Variants in KCNQ5 observed in about 807,000 individuals in gnomAD.
KCNQ5 encodes potassium voltage-gated channel subfamily Q member 5.
In KCNQ5, 30 loss-of-function variants were observed where a neutral mutation model predicts 98.2. The observed-to-expected ratio is 0.31, with a 90% CI of 0.23 to 0.41. The LOEUF (loss-of-function observed/expected upper bound fraction) is 0.41, where lower values mean the gene tolerates loss of function less well. Among genes scored for constraint, KCNQ5 ranks in the 10% least tolerant of loss-of-function variants. The probability of loss-of-function intolerance (pLI) is 1.00; values close to 1 mark genes in which losing one functional copy is unlikely to be tolerated. For synonymous variants in KCNQ5, 458 were observed against 449.4 expected (o/e 1.02, Z -0.24); for missense variants, 835 against 1,182.5 (o/e 0.71, Z 4.31).
At chr6:72,821,274 A>T (rs1007948997) in intron 1 of KCNQ5, among the ~76,000 whole-genome samples, 1 of 152,186 alleles carries the variant, frequency 6.6e-6, no homozygotes, top group Non-Finnish European at 1.5e-5. Context: ...TGAAATTCCT[A>T]TTTCATACAC....
intron 1 of KCNQ5, among the ~76,000 whole-genome samples, chr6:72,831,647 G>A (rs960540900): frequency 6.6e-6 from 1 of 151,652 alleles, no homozygotes; most frequent in Non-Finnish European, 1.5e-5. Context: ...GTTAGTGGGT[G>A]CAGCACACCA....
chr6:72,739,279 T>C (rs867917117), intron 1 of KCNQ5, among the ~76,000 whole-genome samples: 1 of 152,212 alleles, frequency 6.6e-6, no homozygotes, highest in Non-Finnish European at 1.5e-5. Flanking sequence ...AAAAAGGATA[T>C]AATTGTGGGG....
chr6:72,839,635 G>C (rs575448697), intron 1 of KCNQ5, among the ~76,000 whole-genome samples: 30 of 152,254 alleles, frequency 2.0e-4, no homozygotes, highest in South Asian at 1.2e-3. Context: ...TCACCATTCA[G>C]AGTACTTTTG....
intron 10 of KCNQ5, among the ~76,000 whole-genome samples, chr6:73,142,347 G>A (rs985485603): frequency 6.6e-6 from 1 of 152,130 alleles, no homozygotes; most frequent in Non-Finnish European, 1.5e-5. Flanking sequence ...TTAAATTGCA[G>A]ATTTCAACCA....
chr6:72,982,487 CTTTTTTTTTTTT>C (rs141947372), intron 1 of KCNQ5, among the ~76,000 whole-genome samples: 2 of 60,262 alleles, frequency 3.3e-5, no homozygotes, highest in African/African-American at 1.5e-4. Flanking sequence ...GCAACCCCTG[CTTTTTTTTTTTT>C]TTTTTTTTTT....
chr6:72,699,770 G>A (rs1013065326), intron 1 of KCNQ5, among the ~76,000 whole-genome samples: 4 of 152,122 alleles, frequency 2.6e-5, no homozygotes, highest in African/African-American at 9.7e-5. Context: ...TGGTTAATTT[G>A]AAAATGTAGC....
chr6:73,010,269 T>C (rs1489910849), intron 2 of KCNQ5, among the ~76,000 whole-genome samples: 1 of 152,124 alleles, frequency 6.6e-6, no homozygotes, highest in East Asian at 1.9e-4. Flanking sequence ...ATTATCTCAA[T>C]TGAAGCCAGA....
chr6:73,106,864 C>T (rs1198209461), intron 6 of KCNQ5, among the ~76,000 whole-genome samples: 1 of 152,074 alleles, frequency 6.6e-6, no homozygotes, highest in Admixed American at 6.5e-5. Context: ...TAATGTAAGT[C>T]AAGTGCTTGT....
Position 73,157,718 on chromosome 6 carries a change from T to C in KCNQ5, c.1469-12028T>C. 5.1e-6 allele frequency: 4 copies of C among 777,012 alleles called. No homozygotes were observed. In the South Asian group the frequency reaches 5.4e-5, roughly 10 times the overall value. 48.1% of individuals were successfully genotyped at this position (777,012 alleles called of 1,614,324 possible). ...CATGCAGGCATCAGAGCAGCCCCCA[T>C]CAGGTCATAGGGGTCCCGAGCGATG... On this transcript the variant is annotated intron_variant, in intron 10 of 13. Transcript: ENST00000370398.
At chr6:73,161,087 G>A (rs1777601131) in intron 10 of KCNQ5, among the ~76,000 whole-genome samples, 1 of 152,126 alleles carries the variant, frequency 6.6e-6, no homozygotes, top group Admixed American at 6.5e-5. Context: ...AATGAATAAA[G>A]AAAATGTGGT....
chr6:72,924,085 G>A (rs1053078804), intron 1 of KCNQ5, among the ~76,000 whole-genome samples: 1 of 152,062 alleles, frequency 6.6e-6, no homozygotes, highest in Non-Finnish European at 1.5e-5. Flanking sequence ...GATTTTTATA[G>A]TATTGTTCAT....
intron 1 of KCNQ5, among the ~76,000 whole-genome samples, chr6:72,871,658 A>C (rs977488441): frequency 2.6e-5 from 4 of 152,176 alleles, no homozygotes; most frequent in Admixed American, 2.0e-4. Context: ...CCTAAATGTA[A>C]ACTAAAAGCC....
chr6:72,815,539 G>A (rs368409661), intron 1 of KCNQ5, among the ~76,000 whole-genome samples: 1 of 152,116 alleles, frequency 6.6e-6, no homozygotes, highest in African/African-American at 2.4e-5. Context: ...GAGAAATGAA[G>A]TTGAAGAGTA....
At chr6:73,052,004 CA>C (rs1772266203) in intron 3 of KCNQ5, among the ~76,000 whole-genome samples, 1 of 152,152 alleles carries the variant, frequency 6.6e-6, no homozygotes, top group Admixed American at 6.5e-5. Flanking sequence ...CAAAGTGATA[CA>C]GGAGATGAAA....
At chr6:72,858,570 C>T (rs1041971124) in intron 1 of KCNQ5, among the ~76,000 whole-genome samples, 3 of 151,540 alleles carry the variant, frequency 2.0e-5, no homozygotes, top group African/African-American at 7.3e-5. Context: ...CATTGTTGCT[C>T]TCCAACCCTC....
At chr6:72,924,465 G>C (rs889083684) in intron 1 of KCNQ5, among the ~76,000 whole-genome samples, 1 of 152,144 alleles carries the variant, frequency 6.6e-6, no homozygotes, top group Non-Finnish European at 1.5e-5. Context: ...CGCCTCTTAA[G>C]TGGGTCGCCA....
At chr6:72,878,652 C>T (rs1778518097) in intron 1 of KCNQ5, among the ~76,000 whole-genome samples, 1 of 152,146 alleles carries the variant, frequency 6.6e-6, no homozygotes, top group Non-Finnish European at 1.5e-5. Flanking sequence ...GTGACATTTT[C>T]CCAGCCTACT....
intron 1 of KCNQ5, among the ~76,000 whole-genome samples, chr6:72,861,828 A>T (rs944933756): frequency 6.0e-4 from 5 of 8,334 alleles, no homozygotes; most frequent in African/African-American, 2.1e-3. Flanking sequence ...AAAGTATAAT[A>T]AAAAAAAAAA....
At chr6:73,024,842 C>A (rs766643035) in intron 2 of KCNQ5, among the ~76,000 whole-genome samples, 7 of 152,222 alleles carry the variant, frequency 4.6e-5, no homozygotes, top group African/African-American at 7.2e-5. Flanking sequence ...TATAAATGTT[C>A]AGTGCATTCT....
Sources: allele counts gnomAD v4.1 joint callset (sites outside exome capture counted in the v4.1 genomes callset), GRCh38; gene constraint gnomAD v4.1.1; transcripts MANE v1.5; gene names NCBI Gene and HGNC (gene_info 2026-07-23, HGNC 2026-07-21).